RYR3: variants seen among roughly 807,000 people sequenced by gnomAD.
RYR3 encodes ryanodine receptor 3.
Under a neutral mutation model 584.3 loss-of-function variants are expected in RYR3, and 207 were observed. The ratio of observed to expected loss-of-function variants is 0.35; its 90% CI spans 0.32 to 0.40. The LOEUF is 0.40. Ranked by LOEUF, RYR3 falls within the 10% of genes least tolerant of loss-of-function variation. The probability of loss-of-function intolerance (pLI) is 1.00; values close to 1 mark genes in which losing one functional copy is unlikely to be tolerated. For missense variants in RYR3, 5,616 were observed against 6,089.2 expected (o/e 0.92, Z 2.59); for synonymous variants, 2,416 against 2,248.5 (o/e 1.07, Z -2.11).
intron 1 of RYR3, among the ~76,000 whole-genome samples, chr15:33,458,199 G>A (rs1428974589): frequency 1.3e-5 from 2 of 152,106 alleles, no homozygotes; most frequent in Non-Finnish European, 2.9e-5. Context: ...GGGCTGGGTA[G>A]GGTAGACAGT....
chr15:33,463,177 T>A (rs2676095), intron 1 of RYR3, among the ~76,000 whole-genome samples: 13,493 of 150,682 alleles, frequency 0.09, 653 homozygotes, highest in African/African-American at 0.13. Flanking sequence ...AAAAAAAAAA[T>A]TTTTTTTCAG....
intron 3 of RYR3, among the ~76,000 whole-genome samples, chr15:33,510,936 CACATT>C (rs2052927893): frequency 6.6e-6 from 1 of 152,084 alleles, no homozygotes; most frequent in Admixed American, 6.5e-5. Context: ...GCAAATAACT[CACATT>C]TCATTTTTGG....
chr15:33,517,632 C>G (rs2053629903), intron 3 of RYR3, among the ~76,000 whole-genome samples: 1 of 152,196 alleles, frequency 6.6e-6, no homozygotes, highest in Non-Finnish European at 1.5e-5. Context: ...TATCTTTGCG[C>G]AAACCCCTGC....
At chr15:33,545,605 G>A (rs750161426) in intron 8 of RYR3, among the ~76,000 whole-genome samples, 2 of 152,178 alleles carry the variant, frequency 1.3e-5, no homozygotes, top group Non-Finnish European at 2.9e-5. Flanking sequence ...TTGAATCTTT[G>A]TGTCAACTAG....
At chr15:33,823,994 T>A (rs912813761) in intron 81 of RYR3, among the ~76,000 whole-genome samples, 3 of 152,158 alleles carry the variant, frequency 2.0e-5, no homozygotes, top group Non-Finnish European at 2.9e-5. Flanking sequence ...TGCAGTATAA[T>A]TCTTTAGTCT....
intron 33 of RYR3, 60 bp from the exon 34 acceptor site, chr15:33,660,137 C>T: frequency 8.5e-7 from 1 of 1,179,332 alleles, no homozygotes; most frequent in Non-Finnish European, 1.2e-6. Flanking sequence ...GTTAAAATGT[C>T]TGGGTGCGTC....
At chr15:33,437,836 G>A (rs965548363) in intron 1 of RYR3, among the ~76,000 whole-genome samples, 9 of 152,110 alleles carry the variant, frequency 5.9e-5, no homozygotes, top group African/African-American at 1.9e-4. Context: ...GGGCTCAAGT[G>A]TTCCTCCCAC....
intron 1 of RYR3, among the ~76,000 whole-genome samples, chr15:33,447,986 T>C (rs142107286): frequency 6.6e-6 from 1 of 152,320 alleles, no homozygotes; most frequent in East Asian, 1.9e-4. Context: ...ATAATAAAAA[T>C]ATATTTTCTA....
chr15:33,313,307 G>C (rs931891595), intron 1 of RYR3, among the ~76,000 whole-genome samples: 2 of 152,176 alleles, frequency 1.3e-5, no homozygotes, highest in Admixed American at 1.3e-4. Flanking sequence ...ATTATACAAT[G>C]TTCAATTACA....
At chr15:33,745,306 G>A (rs1466325063) in intron 52 of RYR3, among the ~76,000 whole-genome samples, 7 of 151,776 alleles carry the variant, frequency 4.6e-5, no homozygotes, top group African/African-American at 1.2e-4. Flanking sequence ...GAGTTTCTGC[G>A]CTGGAAGTAC....
intron 1 of RYR3, chr15:33,465,873 C>A: frequency 2.0e-6 from 1 of 489,352 alleles, no homozygotes; most frequent in Non-Finnish European, 4.1e-6. Flanking sequence ...CAAGATGTTT[C>A]TCTCTTCCTC....
At chr15:33,812,538 C>T (rs7172414) in intron 72 of RYR3, among the ~76,000 whole-genome samples, 1 of 151,594 alleles carries the variant, frequency 6.6e-6, no homozygotes, top group South Asian at 2.1e-4. Context: ...AATTAAAAAC[C>T]TAATAAATGG....
intron 2 of RYR3, among the ~76,000 whole-genome samples, chr15:33,490,925 C>CATGGGGCT (rs2050912910): frequency 1.3e-5 from 2 of 152,264 alleles, no homozygotes; most frequent in South Asian, 2.1e-4. Flanking sequence ...GGCCAGTATC[C>CATGGGGCT]ATGGGGCTTG....
At chr15:33,843,349 T>G in intron 91 of RYR3, 139 bp from the exon 92 acceptor site, 7 of 598,566 alleles carry the variant, frequency 1.2e-5, no homozygotes, top group Non-Finnish European at 1.8e-5. Flanking sequence ...AATGCCAGGG[T>G]TACCCTAGAA....
chr15:33,460,820 G>A (rs2676090), intron 1 of RYR3, among the ~76,000 whole-genome samples: 99,663 of 151,402 alleles, frequency 0.66, 34,720 homozygotes, highest in African/African-American at 0.92. Context: ...GTCTTGGTAA[G>A]TTTGTTTCCT....
chr15:33,364,949 A>G (rs1975276010), intron 1 of RYR3, among the ~76,000 whole-genome samples: 1 of 152,198 alleles, frequency 6.6e-6, no homozygotes, highest in Non-Finnish European at 1.5e-5. Context: ...TCAGGAAGGA[A>G]GACAAGAAGG....
chr15:33,746,239 A>G (rs902423721), intron 53 of RYR3, 82 bp downstream of exon 53: 16 of 936,414 alleles, frequency 1.7e-5, no homozygotes, highest in African/African-American at 3.3e-5. Context: ...TTCAGAGCAC[A>G]TTCACTCTCA....
chr15:33,836,330 C>T (rs966743176), intron 87 of RYR3, among the ~76,000 whole-genome samples: 4 of 151,936 alleles, frequency 2.6e-5, no homozygotes, highest in Admixed American at 2.6e-4. Context: ...GGTAGCTTAG[C>T]GATGCTCTTC....
intron 27 of RYR3, among the ~76,000 whole-genome samples, chr15:33,639,063 A>T (rs28608677): frequency 0.15 from 23,519 of 152,098 alleles, 2,192 homozygotes; most frequent in Admixed American, 0.23. Flanking sequence ...CTTGGACTTT[A>T]CCCTCTAGGA....
Sources: allele counts gnomAD v4.1 joint callset (sites outside exome capture counted in the v4.1 genomes callset), GRCh38; gene constraint gnomAD v4.1.1; transcripts MANE v1.5; gene names NCBI Gene and HGNC (gene_info 2026-07-23, HGNC 2026-07-21).